Variants in SPATA6L observed in about 807,000 individuals in gnomAD.
SPATA6L encodes spermatogenesis associated 6-like protein.
A neutral mutation model predicts 49.2 loss-of-function variants in SPATA6L; 68 were observed. The ratio of observed to expected loss-of-function variants is 1.38; its 90% confidence interval spans 1.14 to 1.69. The LOEUF is 1.69. Among genes scored for constraint, SPATA6L ranks in the 40% most tolerant of loss-of-function variants. SPATA6L has a pLI of 0.00. For synonymous variants in SPATA6L, 198 were observed against 165.7 expected, an observed-to-expected ratio of 1.19 and a Z score of -1.50; for missense variants, 668 against 464.3, an observed-to-expected ratio of 1.44 and a Z score of -4.03.
chr9:4,612,328 T>C (rs1334095728), intron 9 of SPATA6L, among the ~76,000 whole-genome samples: 2 of 152,198 alleles, frequency 1.3e-5, no homozygotes, highest in African/African-American at 2.4e-5. Flanking sequence ...TCATTTACTT[T>C]AGGCCACCCA....
Position 4,590,160 on chromosome 9 carries a change from G to A in SPATA6L, c.*255-1199C>T, listed in dbSNP as rs530346128. Among the ~76,000 whole-genome samples, 56 of 152,268 alleles carry A rather than the reference G, an allele frequency of 3.7e-4. 1 individual carries two copies. In the South Asian group the frequency reaches 0.011, roughly 29 times the overall value. On this transcript the variant is annotated intron_variant and NMD_transcript_variant, in intron 13 of 13. Transcript: ENST00000461761. Reference sequence around the variant, plus strand: ...GCTGGTCTCAAACTCCTGACCTCAGGTGATCTGCCTGCCTTGGCCGCCCAA... The same window carrying A: ...GCTGGTCTCAAACTCCTGACCTCAGATGATCTGCCTGCCTTGGCCGCCCAA...
At position 4,604,220 on chromosome 9, in the gene SPATA6L, G is replaced by A; in HGVS notation, c.1139C>T (p.Pro380Leu). 1.2e-6 allele frequency: 2 copies of A among 1,612,234 alleles called. No individual in the cohort carries two copies. The highest frequency in any genetic ancestry group is 8.5e-7 in the Non-Finnish European group (1 of 1,178,864). ...TTCATGCAGTGAGTATTTCTTCAGA[G>A]GGTAGCTTGGTCTTTCAATGATATA... is the stretch of plus-strand genomic sequence containing the variant. ...VNYIIERPSY[P>L]LKKYSLHEQR... Residue 380 changes from proline (P) to leucine (L), a missense_variant, in exon 11 of 12, where the codon CCT becomes CTT. By Grantham distance (98) the Pro-to-Leu change is moderately conservative. Transcript: ENST00000682582.
At chr9:4,663,183 A>G (rs1463531264) in intron 1 of SPATA6L, 13 of 1,614,096 alleles carry the variant, frequency 8.1e-6, no homozygotes, top group Non-Finnish European at 1.1e-5. Flanking sequence ...TCTGGGCTAC[A>G]TGCAGTACAG....
At chr9:4,597,968 T>G (rs972960085), downstream of SPATA6L, among the ~76,000 whole-genome samples, 5 of 152,226 alleles carry the variant, frequency 3.3e-5, no homozygotes, top group East Asian at 9.6e-4. Context: ...GTGCTAGGGC[T>G]GAACTCACAC....
chr9:4,603,784 G>A (rs139698249), intron 11 of SPATA6L, among the ~76,000 whole-genome samples: 2 of 152,300 alleles, frequency 1.3e-5, no homozygotes, highest in Non-Finnish European at 2.9e-5. Flanking sequence ...GGAGTGTCGT[G>A]TCATAGAAAA....
At chr9:4,635,931 G>A (rs1039094181) in intron 3 of SPATA6L, among the ~76,000 whole-genome samples, 11 of 152,178 alleles carry the variant, frequency 7.2e-5, no homozygotes, top group African/African-American at 2.7e-4. Flanking sequence ...GTGTGAGGGA[G>A]TTCTGCAGTG....
At chr9:4,647,840 T>TTGG (rs35100579) in intron 3 of SPATA6L, among the ~76,000 whole-genome samples, 1 of 141,912 alleles carries the variant, frequency 7.0e-6, no homozygotes, top group African/African-American at 2.7e-5. Flanking sequence ...TTTTAGTTTT[T>TTGG]TTTTTTTTTT....
chr9:4,604,769 A>C (rs1474580203), intron 10 of SPATA6L, among the ~76,000 whole-genome samples: 5 of 152,324 alleles, frequency 3.3e-5, no homozygotes, highest in East Asian at 1.9e-4. Context: ...CACTGGGGGC[A>C]CTGTTGTCCT....
chr9:4,606,104 G>A (rs922863368), intron 9 of SPATA6L, among the ~76,000 whole-genome samples: 3 of 152,164 alleles, frequency 2.0e-5, no homozygotes, highest in Non-Finnish European at 2.9e-5. Flanking sequence ...CTTTTCCTAC[G>A]GGCTTAAAAA....
chr9:4,627,164 A>G (rs1830503931), intron 5 of SPATA6L: 2 of 147,600 alleles, frequency 1.4e-5, no homozygotes, highest in African/African-American at 5.0e-5. Context: ...AGTTCAAGAA[A>G]AAAAACAATA....
chr9:4,610,541 T>A (rs1257856528), intron 9 of SPATA6L, among the ~76,000 whole-genome samples: 32 of 144,408 alleles, frequency 2.2e-4, no homozygotes, highest in Non-Finnish European at 4.3e-4. Flanking sequence ...AAACAAGCAA[T>A]GGGGAAAGGA....
chr9:4,617,433 G>C (rs1448275449), intron 9 of SPATA6L: 1 of 152,236 alleles, frequency 6.6e-6, no homozygotes, highest in African/African-American at 2.4e-5. Context: ...GGCAAATAAA[G>C]GTTTCTGCTT....
At chr9:4,639,144 C>G (rs1397588903) in intron 3 of SPATA6L, among the ~76,000 whole-genome samples, 2 of 152,206 alleles carry the variant, frequency 1.3e-5, no homozygotes, top group African/African-American at 4.8e-5. Flanking sequence ...TAGCACCTGA[C>G]ATTGCCTACC....
chr9:4,621,372 C>G (rs1161097072), intron 7 of SPATA6L, among the ~76,000 whole-genome samples: 1 of 152,214 alleles, frequency 6.6e-6, no homozygotes, highest in East Asian at 1.9e-4. Flanking sequence ...CATAATAATA[C>G]TAAGACATGA....
intron 6 of SPATA6L, chr9:4,625,100 G>A: frequency 3.2e-6 from 2 of 628,086 alleles, no homozygotes; most frequent in South Asian, 6.8e-5. Context: ...TTAAAAATAG[G>A]GATGGCTGAC....
At chr9:4,638,505 G>C (rs10116331) in intron 3 of SPATA6L, among the ~76,000 whole-genome samples, 1 of 151,802 alleles carries the variant, frequency 6.6e-6, no homozygotes, top group Non-Finnish European at 1.5e-5. Context: ...GAGCCACCAC[G>C]CCCAGCCAAT....
exon 14 of SPATA6L, chr9:4,588,898 G>C (rs879426855): frequency 6.6e-6 from 1 of 152,224 alleles, no homozygotes; most frequent in Non-Finnish European, 1.5e-5. Context: ...AGTGTGCTTG[G>C]CTTATACTCA....
chr9:4,666,246 G>A lies in SPATA6L; in HGVS notation c.5C>T (p.Pro2Leu), dbSNP rs530004713. 4.0e-5 allele frequency: 64 copies of A among 1,614,140 alleles called. No homozygotes were observed. The highest frequency in any genetic ancestry group is 5.2e-5 in the Non-Finnish European group (61 of 1,180,028). ...CTGCAGCTCCACCACCACCTCCAGA[G>A]GCATCGTTCCCTGCGTGGGCGAAAG... The part of the protein sequence containing the change: M[P>L]LEVVVELQIR... Residue 2 changes from proline (P) to leucine (L), a missense_variant, in exon 1 of 12, where the codon CCT becomes CTT. Transcript: ENST00000682582.
In SPATA6L at chr9:4,618,072, A is replaced by C; in HGVS notation, c.846T>G (p.Ser282Arg). ...KEPDERIVLR[S>R]DSSSCLDSSQ... ...TTGAATCTAAACATGATGATGAGTCACTCCTTAAAACAATCCGTTCATCTG... is the reference window on the plus strand; with the variant it reads ...TTGAATCTAAACATGATGATGAGTCCCTCCTTAAAACAATCCGTTCATCTG... Residue 282 changes from serine to arginine, a missense_variant, in exon 9 of 12, where the codon AGT becomes AGG. Transcript: ENST00000682582. 2 of 1,613,094 alleles carry C rather than the reference A, an allele frequency of 1.2e-6. No homozygotes were observed. The highest frequency in any genetic ancestry group is 1.7e-6 in the Non-Finnish European group (2 of 1,179,482).
Sources: allele counts gnomAD v4.1 joint callset (sites outside exome capture counted in the v4.1 genomes callset), GRCh38; gene constraint gnomAD v4.1.1; transcripts MANE v1.5; gene names NCBI Gene and HGNC (gene_info 2026-07-23, HGNC 2026-07-21).